The following TECRL variants were observed in gnomAD, a reference collection of about 807,000 sequenced individuals.
The protein encoded by TECRL is trans-2,3-enoyl-CoA reductase-like.
In TECRL, 63 loss-of-function variants were observed where a neutral mutation model predicts 52.8. The observed-to-expected ratio is 1.19, with a 90% CI of 0.97 to 1.47. The LOEUF is 1.47. Ranked by LOEUF, TECRL falls within the 40% of genes most tolerant of loss-of-function variation. TECRL has a pLI of 0.00. For missense variants in TECRL, 482 were observed against 429.6 expected (o/e 1.12, Z -1.08); for synonymous variants, 164 against 141.9 (o/e 1.16, Z -1.10).
At chr4:64,337,506 A>G (rs1445943815) in intron 2 of TECRL, among the ~76,000 whole-genome samples, 1 of 152,200 alleles carries the variant, frequency 6.6e-6, no homozygotes, top group Non-Finnish European at 1.5e-5. Context: ...TGCAGATGAC[A>G]TGATTGTATA....
intron 2 of TECRL, 30 bp downstream of exon 2, chr4:64,375,142 T>C (rs1048358131): frequency 1.8e-6 from 2 of 1,105,250 alleles, no homozygotes; most frequent in Non-Finnish European, 2.5e-6. Flanking sequence ...AACATTATGA[T>C]GTAAATTCTA....
At chr4:64,393,524 T>C (rs903338409) in intron 1 of TECRL, among the ~76,000 whole-genome samples, 3 of 152,102 alleles carry the variant, frequency 2.0e-5, no homozygotes, top group African/African-American at 7.2e-5. Flanking sequence ...TAAGAGGAGT[T>C]GTTTTGATTA....
chr4:64,285,324 C>T (rs1471950625), intron 9 of TECRL, among the ~76,000 whole-genome samples: 1 of 152,118 alleles, frequency 6.6e-6, no homozygotes, highest in Non-Finnish European at 1.5e-5. Context: ...TGAGTCCATT[C>T]TTGTGACTAC....
chr4:64,349,076 A>AAG lies in TECRL; in HGVS notation c.287-20521_287-20520insCT, dbSNP rs750624894. Reference sequence around the variant, plus strand: ...CTTTTTGGAAATTACAAAAAAAAAAAAAACCTAAAATTTTCATAAATTTTT... The same window carrying AAG: ...CTTTTTGGAAATTACAAAAAAAAAAAAGAAACCTAAAATTTTCATAAATTTTT... On this transcript the variant is annotated intron_variant, in intron 2 of 11. Transcript: ENST00000381210. Among the ~76,000 whole-genome samples, 954 of 151,042 alleles carry AAG rather than the reference A, an allele frequency of 6.3e-3. 6 individuals carry two copies. The highest frequency in any genetic ancestry group is 0.011 in the Non-Finnish European group (731 of 67,738).
At chr4:64,318,007 C>T (rs1432066900) in intron 4 of TECRL, among the ~76,000 whole-genome samples, 3 of 152,100 alleles carry the variant, frequency 2.0e-5, no homozygotes, top group African/African-American at 4.8e-5. Flanking sequence ...TAAAGCTCAA[C>T]CTAAAATCAT....
At chr4:64,343,303 T>G (rs1330932283) in intron 2 of TECRL, among the ~76,000 whole-genome samples, 1 of 152,122 alleles carries the variant, frequency 6.6e-6, no homozygotes, top group Non-Finnish European at 1.5e-5. Flanking sequence ...CTAGTGTTAC[T>G]TGGTGGTGCA....
intron 2 of TECRL, among the ~76,000 whole-genome samples, chr4:64,350,036 G>A (rs545273600): frequency 7.3e-5 from 11 of 150,686 alleles, no homozygotes; most frequent in African/African-American, 2.2e-4. Flanking sequence ...TATGGAGTGT[G>A]CTTTTCTGCA....
At chr4:64,306,900 T>C (rs887237689) in intron 6 of TECRL, among the ~76,000 whole-genome samples, 4 of 152,216 alleles carry the variant, frequency 2.6e-5, no homozygotes, top group African/African-American at 4.8e-5. Flanking sequence ...GAAAAGAATT[T>C]GGACACAAAG....
intron 9 of TECRL, among the ~76,000 whole-genome samples, chr4:64,281,882 A>G (rs539538035): frequency 2.6e-4 from 39 of 151,880 alleles, no homozygotes; most frequent in Non-Finnish European, 4.9e-4. Context: ...TTGAAATAGT[A>G]CTACATGCTG....
intron 2 of TECRL, among the ~76,000 whole-genome samples, chr4:64,371,305 T>A (rs1721957873): frequency 6.6e-6 from 1 of 151,068 alleles, no homozygotes; most frequent in Non-Finnish European, 1.5e-5. Flanking sequence ...ATTAATTAAA[T>A]TATAATTATA....
chr4:64,332,750 G>A (rs1040271572), intron 2 of TECRL, among the ~76,000 whole-genome samples: 1 of 152,018 alleles, frequency 6.6e-6, no homozygotes, highest in Non-Finnish European at 1.5e-5. Flanking sequence ...ATGGTAGAGA[G>A]AAAAATAGTG....
intron 2 of TECRL, among the ~76,000 whole-genome samples, chr4:64,365,762 C>T (rs139332305): frequency 4.6e-5 from 7 of 151,990 alleles, no homozygotes; most frequent in African/African-American, 1.4e-4. Flanking sequence ...ATTACATGCT[C>T]ATGTATAAAA....
intron 2 of TECRL, among the ~76,000 whole-genome samples, chr4:64,373,333 A>T (rs1238808461): frequency 2.0e-5 from 3 of 151,794 alleles, no homozygotes; most frequent in Non-Finnish European, 4.4e-5. Context: ...AGCTATCAAT[A>T]ATTCTTGCCC....
chr4:64,337,847 C>T (rs1375697434), intron 2 of TECRL, among the ~76,000 whole-genome samples: 1 of 152,080 alleles, frequency 6.6e-6, no homozygotes, highest in Non-Finnish European at 1.5e-5. Context: ...CGTGAAATGG[C>T]CATACTGCCC....
chr4:64,376,044 C>T (rs143125505), intron 1 of TECRL, among the ~76,000 whole-genome samples: 1,889 of 151,690 alleles, frequency 0.012, 44 homozygotes, highest in African/African-American at 0.043. Context: ...TTTATTTATG[C>T]TACACTAAAA....
rs1168107643 is a variant in TECRL at position 64,278,912 on chromosome 4, C to T, written c.*1160G>A. ...TCACTTAACATATGCCCTCCAATTC[C>T]ATCCATGTTGTCCTGAATGACAGGA... On this transcript the variant is annotated 3_prime_UTR_variant, in exon 12 of 12. Transcript: ENST00000381210. 6.6e-6 allele frequency: 1 copy of T among 152,172 alleles called. No homozygotes were observed. The highest frequency in any genetic ancestry group is 1.9e-4 in the East Asian group (1 of 5,248). The allele number at this position is 152,172 out of a possible 1,614,324, so 9.4% of individuals were successfully genotyped here. A position where few individuals can be genotyped will look rare whatever the true frequency, so the allele number is the denominator to read the frequency against.
At chr4:64,309,265 T>TA in intron 6 of TECRL, among the ~76,000 whole-genome samples, 1 of 152,164 alleles carries the variant, frequency 6.6e-6, no homozygotes. Context: ...AAATAGACTT[T>TA]AAATTGAAAA....
intron 1 of TECRL, among the ~76,000 whole-genome samples, chr4:64,379,435 T>A (rs1722628849): frequency 6.6e-6 from 1 of 152,160 alleles, no homozygotes; most frequent in Non-Finnish European, 1.5e-5. Flanking sequence ...AAAACAGTAT[T>A]TAGAATATCC....
intron 1 of TECRL, among the ~76,000 whole-genome samples, chr4:64,402,383 A>G (rs1292231963): frequency 6.6e-6 from 1 of 152,204 alleles, no homozygotes; most frequent in East Asian, 1.9e-4. Context: ...TTATGATTAA[A>G]ATAGTAGGTT....
Sources: gnomAD v4.1 joint callset for allele counts (sites outside exome capture counted in the v4.1 genomes callset) on GRCh38, gnomAD v4.1.1 for gene constraint, MANE v1.5 for transcripts, NCBI Gene and HGNC (gene_info 2026-07-23, HGNC 2026-07-21) for gene names.